Variants in CCDC192 observed in about 807,000 individuals in gnomAD.
The protein encoded by CCDC192 is coiled-coil domain-containing protein 192.
intron 2 of CCDC192, among the ~76,000 whole-genome samples, chr5:127,728,503 A>T (rs910724956): frequency 6.6e-6 from 1 of 152,232 alleles, no homozygotes; most frequent in South Asian, 2.1e-4. Context: ...TGCTGAGGGA[A>T]TTTGTCACCA....
chr5:127,917,247 G>A (rs1320497315), intron 6 of CCDC192, among the ~76,000 whole-genome samples: 1 of 152,172 alleles, frequency 6.6e-6, no homozygotes, highest in Non-Finnish European at 1.5e-5. Context: ...TTGGCTTAAA[G>A]GAATGTTGTG....
At chr5:127,746,549 A>G (rs149069119) in intron 2 of CCDC192, among the ~76,000 whole-genome samples, 1 of 152,286 alleles carries the variant, frequency 6.6e-6, no homozygotes, top group East Asian at 1.9e-4. Flanking sequence ...CCATTTCTGC[A>G]TATAATGTCT....
In CCDC192 at chr5:127,832,268, G is replaced by A. The variant is rs898586294; in HGVS notation, c.411+34106G>A. Among the ~76,000 whole-genome samples the A allele has an allele frequency of 3.3e-5, 5 of 152,134 alleles. 1 individual carries two copies. In the South Asian group the frequency reaches 1.0e-3, roughly 32 times the overall value. On this transcript the variant is annotated intron_variant, in intron 5 of 6. Coordinates refer to ENST00000514853, the MANE Select transcript of CCDC192 (RefSeq NM_001317938.2). ...ATACTAGAGAAGAAGTGAAAAATAG[G>A]AAGTCTTGCAAAATGCTGGTAAGAG... is the stretch of plus-strand genomic sequence containing the variant.
intron 6 of CCDC192, among the ~76,000 whole-genome samples, chr5:127,901,273 A>G (rs1439619602): frequency 1.3e-5 from 2 of 152,186 alleles, no homozygotes; most frequent in East Asian, 3.9e-4. Context: ...TTGCTAGGTA[A>G]TATCTTAAAA....
At chr5:127,733,347 T>C (rs1483329892) in intron 2 of CCDC192, among the ~76,000 whole-genome samples, 1 of 152,158 alleles carries the variant, frequency 6.6e-6, no homozygotes, top group Non-Finnish European at 1.5e-5. Flanking sequence ...CCAGCCGTTA[T>C]ACTAAGTAAA....
intron 3 of CCDC192, among the ~76,000 whole-genome samples, chr5:127,761,134 C>T (rs1249406508): frequency 6.6e-6 from 1 of 152,208 alleles, no homozygotes; most frequent in Non-Finnish European, 1.5e-5. Context: ...TGTGGCTTTG[C>T]ACGCTGTTCA....
chr5:127,919,181 C>G (rs1272270442), intron 6 of CCDC192, among the ~76,000 whole-genome samples: 1 of 151,526 alleles, frequency 6.6e-6, no homozygotes, highest in East Asian at 1.9e-4. Context: ...AATGATGCAG[C>G]TTATCCAGTT....
chr5:127,928,301 T>C (rs536040969), intron 6 of CCDC192, among the ~76,000 whole-genome samples: 1 of 152,348 alleles, frequency 6.6e-6, no homozygotes, highest in South Asian at 2.1e-4. Flanking sequence ...TCAACAGGAC[T>C]GTGTTCTTTT....
chr5:127,894,995 G>T (rs1192569106), intron 6 of CCDC192, among the ~76,000 whole-genome samples: 1 of 151,504 alleles, frequency 6.6e-6, no homozygotes, highest in Non-Finnish European at 1.5e-5. Flanking sequence ...TTTTTTCCCT[G>T]CAACTTTTAT....
At chr5:127,830,553 CAGA>C (rs1319705695) in intron 5 of CCDC192, among the ~76,000 whole-genome samples, 1 of 152,134 alleles carries the variant, frequency 6.6e-6, no homozygotes, top group Non-Finnish European at 1.5e-5. Context: ...GGACACCAGT[CAGA>C]CTGGGTTAGG....
At chr5:127,877,809 C>T (rs1237993602) in intron 6 of CCDC192, among the ~76,000 whole-genome samples, 1 of 152,042 alleles carries the variant, frequency 6.6e-6, no homozygotes, top group Non-Finnish European at 1.5e-5. Flanking sequence ...TATTTCTGGA[C>T]CTAGAACACC....
At chr5:127,852,555 T>A (rs955885266) in intron 5 of CCDC192, among the ~76,000 whole-genome samples, 2 of 152,180 alleles carry the variant, frequency 1.3e-5, no homozygotes, top group Non-Finnish European at 2.9e-5. Context: ...GGGTCCCAGG[T>A]TGTCCCAACC....
chr5:127,890,605 A>T (rs754987200), intron 6 of CCDC192, among the ~76,000 whole-genome samples: 2 of 152,158 alleles, frequency 1.3e-5, no homozygotes, highest in Non-Finnish European at 2.9e-5. Flanking sequence ...TAACCAACTC[A>T]GTGCTTTACA....
At position 127,753,688 on chromosome 5, in the gene CCDC192, GAAAAAAAA is replaced by G. The variant is rs71575707; in HGVS notation, c.115-569_115-562del. Among the ~76,000 whole-genome samples, 26 of 124,364 alleles carry G rather than the reference GAAAAAAAA, an allele frequency of 2.1e-4. No individual in the cohort carries two copies. The East Asian group carries it at 3.4e-3, about 16-fold the overall frequency. 81.6% of individuals were successfully genotyped at this position (124,364 alleles called of 152,430 possible). On this transcript the variant is annotated intron_variant, in intron 2 of 6. Transcript: ENST00000514853. ...GGCAACAAGAGCAAAACTCTGCCTGGAAAAAAAAAAAAAAAAAAGAGAAAAAACTTGAC... is the reference window on the plus strand; with the variant it reads ...GGCAACAAGAGCAAAACTCTGCCTGGAAAAAAAAAAGAGAAAAAACTTGAC...
rs546079797 is a variant in CCDC192, at chr5:127,885,233, C to T, written c.535+9572C>T. Among the ~76,000 whole-genome samples the T allele has an allele frequency of 4.5e-4, 69 of 152,290 alleles. 1 individual carries two copies. The highest frequency in any genetic ancestry group is 1.6e-3 in the African/African-American group (68 of 41,544). Reference sequence around the variant, plus strand: ...GGAGCTTGATCAATTTCAAAGGTTTCGTTCTTAGCTACAGAGACTGCTCTG... The same window carrying T: ...GGAGCTTGATCAATTTCAAAGGTTTTGTTCTTAGCTACAGAGACTGCTCTG... On this transcript the variant is annotated intron_variant, in intron 6 of 6. Coordinates refer to ENST00000514853, the MANE Select transcript of CCDC192 (RefSeq NM_001317938.2).
chr5:127,702,796 A>G (rs116775508), upstream of CCDC192, among the ~76,000 whole-genome samples: 1,261 of 152,352 alleles, frequency 8.3e-3, 23 homozygotes, highest in African/African-American at 0.029. Context: ...GCATCCAGGG[A>G]GAGATACAGC....
intron 2 of CCDC192, among the ~76,000 whole-genome samples, chr5:127,714,972 GT>G (rs35407058): frequency 1.3e-5 from 2 of 149,846 alleles, no homozygotes; most frequent in African/African-American, 2.4e-5. Context: ...AAATTATTAG[GT>G]TTTTTTTTTG....
intron 5 of CCDC192, among the ~76,000 whole-genome samples, chr5:127,844,600 C>T (rs1054670201): frequency 6.6e-6 from 1 of 152,212 alleles, no homozygotes; most frequent in Non-Finnish European, 1.5e-5. Flanking sequence ...TCATCCAGCA[C>T]TAGGCTGGAT....
At chr5:127,721,060 G>C (rs1375476205) in intron 2 of CCDC192, among the ~76,000 whole-genome samples, 1 of 152,128 alleles carries the variant, frequency 6.6e-6, no homozygotes, top group Non-Finnish European at 1.5e-5. Context: ...TCAACATTTG[G>C]CTCCTCTTTA....
Sources: allele counts gnomAD v4.1 joint callset (sites outside exome capture counted in the v4.1 genomes callset), GRCh38; gene constraint gnomAD v4.1.1; transcripts MANE v1.5; gene names NCBI Gene and HGNC (gene_info 2026-07-23, HGNC 2026-07-21).